The following CTBP2 variants were observed in gnomAD, a reference collection of about 807,000 sequenced individuals.
The protein encoded by CTBP2 is C-terminal binding protein 2.
Under a neutral mutation model 80.3 loss-of-function variants are expected in CTBP2, and 30 were observed. That is an observed-to-expected ratio of 0.37 (90% confidence interval 0.28 to 0.51). The LOEUF is 0.51. CTBP2 is among the 20% of genes least tolerant of loss of function. The probability of loss-of-function intolerance (pLI) is 0.93; values close to 1 mark genes in which losing one functional copy is unlikely to be tolerated. For synonymous variants in CTBP2, 594 were observed against 587.4 expected, an observed-to-expected ratio of 1.01 and a Z score of -0.16; for missense variants, 1,212 against 1,375.3, an observed-to-expected ratio of 0.88 and a Z score of 1.88.
At chr10:125,089,941 C>G (rs1256191138) in intron 2 of CTBP2, among the ~76,000 whole-genome samples, 1 of 152,096 alleles carries the variant, frequency 6.6e-6, no homozygotes, top group Non-Finnish European at 1.5e-5. Context: ...GGAACACTTC[C>G]GACTAGGCTG....
At chr10:125,062,752 C>T (rs1965221232) in intron 2 of CTBP2, among the ~76,000 whole-genome samples, 2 of 152,320 alleles carry the variant, frequency 1.3e-5, no homozygotes, top group African/African-American at 4.8e-5. Context: ...ATCCCAGCTA[C>T]TCAGGAGGGT....
intron 1 of CTBP2, among the ~76,000 whole-genome samples, chr10:125,130,704 T>A (rs1856028379): frequency 2.6e-5 from 4 of 152,310 alleles, no homozygotes; most frequent in Admixed American, 2.6e-4. Flanking sequence ...TTTTCATTAC[T>A]GATGCTTCAC....
At chr10:125,016,252 T>C (rs1407126531) in intron 1 of CTBP2, among the ~76,000 whole-genome samples, 1 of 146,646 alleles carries the variant, frequency 6.8e-6, no homozygotes, top group African/African-American at 2.5e-5. Flanking sequence ...GGATGTTCCA[T>C]GAACCTGCAG....
intron 3 of CTBP2, among the ~76,000 whole-genome samples, chr10:125,037,149 A>G (rs1206106573): frequency 6.6e-6 from 1 of 152,162 alleles, no homozygotes; most frequent in African/African-American, 2.4e-5. Context: ...ATTGGCTGAA[A>G]ATTTCCTATT....
At chr10:125,146,365 C>T (rs761489668) in intron 1 of CTBP2, among the ~76,000 whole-genome samples, 10 of 151,868 alleles carry the variant, frequency 6.6e-5, no homozygotes, top group Non-Finnish European at 1.0e-4. Context: ...ACTGCAACCT[C>T]TGTCTCCAGA....
chr10:125,096,345 TATGAAAA>T (rs1476041137), intron 2 of CTBP2, among the ~76,000 whole-genome samples: 21 of 152,270 alleles, frequency 1.4e-4, no homozygotes, highest in African/African-American at 4.8e-4. Context: ...GTCTCCAAGT[TATGAAAA>T]GTGAAAAAGA....
intron 1 of CTBP2, among the ~76,000 whole-genome samples, chr10:125,124,788 A>G (rs1180159522): frequency 6.6e-6 from 1 of 152,260 alleles, no homozygotes; most frequent in East Asian, 1.9e-4. Flanking sequence ...TCTTTCAATT[A>G]TAATTCAAAG....
At chr10:125,147,586 A>G (rs1462725116) in intron 1 of CTBP2, among the ~76,000 whole-genome samples, 1 of 152,120 alleles carries the variant, frequency 6.6e-6, no homozygotes, top group Non-Finnish European at 1.5e-5. Flanking sequence ...AGGGCACGAC[A>G]TCTTCCAGGT....
intron 1 of CTBP2, among the ~76,000 whole-genome samples, chr10:125,130,067 G>T (rs1350263997): frequency 2.4e-4 from 35 of 147,518 alleles, no homozygotes; most frequent in African/African-American, 8.3e-4. Context: ...CTTCTTTTGA[G>T]ACAGAGTTTC....
chr10:125,134,881 TCCTGCCC>T (rs139995927), intron 1 of CTBP2, among the ~76,000 whole-genome samples: 255 of 130,050 alleles, frequency 2.0e-3, no homozygotes, highest in African/African-American at 7.8e-3. Flanking sequence ...TCCTCCTGCC[TCCTGCCC>T]CCTGCCCCCT....
chr10:125,111,353 T>C (rs1366469824), intron 1 of CTBP2, among the ~76,000 whole-genome samples: 1 of 152,202 alleles, frequency 6.6e-6, no homozygotes, highest in Non-Finnish European at 1.5e-5. Flanking sequence ...GAAGGTGATA[T>C]TGTGTCATCA....
At chr10:125,038,036 T>C (rs1485677709) in intron 3 of CTBP2, among the ~76,000 whole-genome samples, 2 of 152,226 alleles carry the variant, frequency 1.3e-5, no homozygotes, top group Non-Finnish European at 1.5e-5. Context: ...CTCCTTATAC[T>C]GAACCCCAGG....
At chr10:125,091,833 T>C (rs977336030) in intron 2 of CTBP2, among the ~76,000 whole-genome samples, 1 of 152,018 alleles carries the variant, frequency 6.6e-6, no homozygotes, top group Admixed American at 6.6e-5. Flanking sequence ...GGAGTGGGTA[T>C]GGAAAAAAAA....
At chr10:125,098,727 AG>A (rs1441459068) in intron 2 of CTBP2, among the ~76,000 whole-genome samples, 17 of 124,588 alleles carry the variant, frequency 1.4e-4, no homozygotes, top group African/African-American at 5.3e-4. Context: ...AGAGAGACAG[AG>A]AGAGAGAGAG....
At chr10:125,154,639 C>T (rs186309248) in intron 1 of CTBP2, among the ~76,000 whole-genome samples, 2 of 99,684 alleles carry the variant, frequency 2.0e-5, no homozygotes, top group Non-Finnish European at 4.0e-5. Flanking sequence ...TGGTTCTCAC[C>T]GAGTGTCGTT....
chr10:125,054,890 T>C (rs1963559367), intron 2 of CTBP2, among the ~76,000 whole-genome samples: 1 of 152,162 alleles, frequency 6.6e-6, no homozygotes, highest in Admixed American at 6.5e-5. Context: ...GCTATTCTCC[T>C]CACAACAGCA....
At position 125,027,719 on chromosome 10, in the gene CTBP2, T is replaced by C. The variant is rs775056717; in HGVS notation, c.41A>G (p.Gln14Arg). ...GTACCACCCAGCAGCATCCCAGCTC[T>C]GAGAACGACCAATATTTATATGCCT... Residue 14 changes from glutamine (Q) to arginine (R), a missense_variant, in exon 1 of 9, where the codon CAG (glutamine) becomes CGG (arginine). Physicochemically the swap from Gln to Arg is conservative, Grantham distance 43 (BLOSUM62 1). Around this residue, in one of 3 missense-constraint regions of CTBP2, gnomAD observed 848 missense variants for 782.3 expected, o/e 1.08. Coordinates refer to ENST00000309035, the MANE Select transcript of CTBP2 (RefSeq NM_022802.3). 1 of 1,610,120 alleles carries C rather than the reference T, an allele frequency of 6.2e-7. No homozygotes were observed. The highest frequency in any genetic ancestry group is 8.5e-7 in the Non-Finnish European group (1 of 1,177,522).
chr10:125,110,836 T>C (rs971455376), intron 2 of CTBP2, among the ~76,000 whole-genome samples, 154 bp downstream of exon 2: 6 of 152,202 alleles, frequency 3.9e-5, no homozygotes, highest in East Asian at 1.9e-4. Context: ...ATGCAATTAA[T>C]TGAAAGACAA....
intron 2 of CTBP2, among the ~76,000 whole-genome samples, chr10:125,084,805 C>A (rs1404942090): frequency 1.3e-5 from 2 of 152,200 alleles, no homozygotes; most frequent in African/African-American, 4.8e-5. Flanking sequence ...CACCAAGACG[C>A]CTTGAGATCC....
Sources: allele counts gnomAD v4.1 joint callset (sites outside exome capture counted in the v4.1 genomes callset), GRCh38; gene constraint gnomAD v4.1.1; regional missense constraint gnomAD v4.1.1; transcripts MANE v1.5; gene names NCBI Gene and HGNC (gene_info 2026-07-23, HGNC 2026-07-21).